Variants in NCLN observed in about 807,000 individuals in gnomAD.
The protein encoded by NCLN is nicalin.
NCLN carries 34 observed loss-of-function variants against 69.5 expected under a neutral mutation model. That is an observed-to-expected ratio of 0.49 (90% CI 0.37 to 0.65). The LOEUF (loss-of-function observed/expected upper bound fraction) is 0.65. Ranked by LOEUF, NCLN falls within the 30% of genes least tolerant of loss-of-function variation. NCLN has a pLI of 0.00. For missense variants in NCLN, 710 were observed against 804.8 expected (o/e 0.88, Z 1.42); for synonymous variants, 393 against 358.3 (o/e 1.10, Z -1.09).
intron 5 of NCLN, among the ~76,000 whole-genome samples, chr19:3,200,390 A>C (rs1408494095): frequency 7.1e-6 from 1 of 141,650 alleles, no homozygotes; most frequent in Admixed American, 7.5e-5. Context: ...GGCTCACTGC[A>C]ACCTTCGCCT....
chr19:3,186,015 C>G lies in NCLN; in HGVS notation c.-16C>G, dbSNP rs759497133. 1 of 1,532,834 alleles carries G rather than the reference C, an allele frequency of 6.5e-7. No individual in the cohort carries two copies. The highest frequency in any genetic ancestry group is 2.1e-5 in the Admixed American group (1 of 47,856). 95.0% of individuals were successfully genotyped at this position (1,532,834 alleles called of 1,614,324 possible). On this transcript the variant is annotated 5_prime_UTR_variant, in exon 1 of 15. Coordinates refer to ENST00000246117, the MANE Select transcript of NCLN (RefSeq NM_020170.4). The stretch of plus-strand genomic sequence containing the variant: ...CGTCCCAGCTGCCGCCCCGCGCGGC[C>G]CCGCCGCCGGCCAGGATGCTGGAGG...
At chr19:3,198,134 C>T (rs995835221) in intron 4 of NCLN, among the ~76,000 whole-genome samples, 9 of 152,162 alleles carry the variant, frequency 5.9e-5, no homozygotes, top group East Asian at 1.9e-4. Context: ...TGAAGGAACC[C>T]GAATGCCTGG....
In NCLN at chr19:3,193,470, G is replaced by C. The variant is rs761880108; in HGVS notation, c.520+42G>C. 1.7e-5 allele frequency: 27 copies of C among 1,545,424 alleles called. No homozygotes were observed. In the East Asian group the frequency reaches 5.9e-4, roughly 34 times the overall value. On this transcript the variant is annotated intron_variant, in intron 3 of 14. Coordinates refer to ENST00000246117, the MANE Select transcript of NCLN (RefSeq NM_020170.4). ...AGGGACGGGGCCCGTGGGCGTGGGT[G>C]TGGGGAGGCGTCCCCATCCCAAGGG...
At chr19:3,190,927 C>T (rs1259794165) in intron 1 of NCLN, among the ~76,000 whole-genome samples, 5 of 152,188 alleles carry the variant, frequency 3.3e-5, no homozygotes, top group East Asian at 1.9e-4. Flanking sequence ...TCCGTGTCCC[C>T]AGCTGAACGT....
intron 5 of NCLN, among the ~76,000 whole-genome samples, chr19:3,200,682 T>C (rs1271038209): frequency 2.0e-5 from 3 of 151,930 alleles, no homozygotes; most frequent in African/African-American, 7.3e-5. Context: ...TTTTAGTACA[T>C]CCAAAGTTGT....
intron 3 of NCLN, among the ~76,000 whole-genome samples, chr19:3,195,762 G>C (rs1300148715): frequency 6.6e-6 from 1 of 152,090 alleles, no homozygotes; most frequent in Non-Finnish European, 1.5e-5. Context: ...CTGTACTCCA[G>C]CCTGGGTGAC....
At chr19:3,189,298 G>A (rs1362881833) in intron 1 of NCLN, among the ~76,000 whole-genome samples, 2 of 152,218 alleles carry the variant, frequency 1.3e-5, no homozygotes, top group Non-Finnish European at 2.9e-5. Context: ...CCCAGGACCC[G>A]TCAAGTCCAT....
In NCLN at chr19:3,206,340, G is replaced by T; in HGVS notation, c.1414G>T (p.Asp472Tyr). 6.5e-7 allele frequency: 1 copy of T among 1,548,352 alleles called. No individual in the cohort carries two copies. The highest frequency in any genetic ancestry group is 8.7e-7 in the Non-Finnish European group (1 of 1,146,940). The change falls in exon 12 of 15, where the codon GAC becomes TAC. Residue 472 changes from aspartate to tyrosine, a missense_variant. Physicochemically the swap from Asp to Tyr is radical, Grantham distance 160. Transcript: ENST00000246117. ...GCGGGCCGCGCAGCTGGTGGACAAGGACAGCACCTTCCTCAGCACGCTGGA... is the reference window on the plus strand; with the variant it reads ...GCGGGCCGCGCAGCTGGTGGACAAGTACAGCACCTTCCTCAGCACGCTGGA... ...QPRAAQLVDK[D>Y]STFLSTLEHH...
At chr19:3,200,849 A>G (rs911075255) in intron 5 of NCLN, among the ~76,000 whole-genome samples, 2 of 151,988 alleles carry the variant, frequency 1.3e-5, no homozygotes, top group Non-Finnish European at 2.9e-5. Context: ...GGTCCTATGA[A>G]CAGATCCTAC....
At chr19:3,196,394 C>T (rs574140305) in intron 4 of NCLN, 117 bp downstream of exon 4, 23 of 723,730 alleles carry the variant, frequency 3.2e-5, no homozygotes, top group Middle Eastern at 3.0e-4. Flanking sequence ...GGAGTCGGAT[C>T]GCCCCCCTGC....
At chr19:3,197,826 G>T (rs1916008135) in intron 4 of NCLN, among the ~76,000 whole-genome samples, 1 of 152,162 alleles carries the variant, frequency 6.6e-6, no homozygotes, top group African/African-American at 2.4e-5. Context: ...TCACCATGCT[G>T]GCCAGGCTGG....
At chr19:3,200,202 G>A (rs1486890245) in intron 5 of NCLN, among the ~76,000 whole-genome samples, 3 of 152,130 alleles carry the variant, frequency 2.0e-5, no homozygotes, top group Non-Finnish European at 4.4e-5. Context: ...ACCCGCCTCG[G>A]CCTCCTAACC....
At chr19:3,201,660 C>T (rs1284204235) in intron 6 of NCLN, 34 bp downstream of exon 6, 20 of 880,340 alleles carry the variant, frequency 2.3e-5, no homozygotes, top group African/African-American at 1.0e-4. Flanking sequence ...GATGGGGGTG[C>T]GGGGGCCACA....
chr19:3,194,335 G>T (rs113059726), intron 3 of NCLN, among the ~76,000 whole-genome samples: 2 of 152,034 alleles, frequency 1.3e-5, no homozygotes, highest in East Asian at 3.9e-4. Flanking sequence ...GTGAGCTGAG[G>T]TCACACCATT....
At chr19:3,206,974 A>T (rs1916287085) in intron 12 of NCLN, among the ~76,000 whole-genome samples, 2 of 152,046 alleles carry the variant, frequency 1.3e-5, no homozygotes. Flanking sequence ...GGCACCCGCC[A>T]CCATGCCCGG....
intron 1 of NCLN, among the ~76,000 whole-genome samples, chr19:3,191,621 C>G (rs944459191): frequency 6.6e-6 from 1 of 152,256 alleles, no homozygotes; most frequent in Non-Finnish European, 1.5e-5. Context: ...CCGTCCCCAT[C>G]TGGGACCCCC....
At chr19:3,204,863 G>A (rs1245810914) in intron 9 of NCLN, 112 bp downstream of exon 9, 13 of 1,175,448 alleles carry the variant, frequency 1.1e-5, no homozygotes, top group Non-Finnish European at 1.3e-5. Context: ...CCACACACAG[G>A]CTGCGAGGAA....
rs929085416 is a variant in NCLN at position 3,193,190 on chromosome 19, C to T, written c.376-94C>T. 225 of 1,259,256 alleles carry T rather than the reference C, an allele frequency of 1.8e-4. 2 individuals carry two copies. Among genetic ancestry groups the T allele is most frequent in the Non-Finnish European group, 1.4e-4 (127 of 906,546 alleles). 78.0% of individuals were successfully genotyped at this position (1,259,256 alleles called of 1,614,324 possible). ...CCCTCCAGGGACAGTCACTGGGCCCCCTGCTACCCCCACCAGGGACAGTCA... is the reference window on the plus strand; with the variant it reads ...CCCTCCAGGGACAGTCACTGGGCCCTCTGCTACCCCCACCAGGGACAGTCA... On this transcript the variant is annotated intron_variant, in intron 2 of 14. Coordinates refer to ENST00000246117, the MANE Select transcript of NCLN (RefSeq NM_020170.4).
chr19:3,191,533 C>T (rs1027568465), intron 1 of NCLN, among the ~76,000 whole-genome samples: 8 of 152,190 alleles, frequency 5.3e-5, no homozygotes, highest in African/African-American at 1.9e-4. Context: ...CAGGCGAGCC[C>T]GAGGGGCGCT....
Sources: allele counts gnomAD v4.1 joint callset (sites outside exome capture counted in the v4.1 genomes callset), GRCh38; gene constraint gnomAD v4.1.1; transcripts MANE v1.5; gene names NCBI Gene and HGNC (gene_info 2026-07-23, HGNC 2026-07-21).